Variants in CDC42BPB observed in about 807,000 individuals in gnomAD.
CDC42BPB encodes the protein serine/threonine-protein kinase MRCK beta.
CDC42BPB carries 37 observed loss-of-function variants against 214.9 expected under a neutral mutation model. The ratio of observed to expected loss-of-function variants is 0.17; its 90% CI spans 0.13 to 0.23. CDC42BPB has a LOEUF of 0.23. Among genes scored for constraint, CDC42BPB ranks in the 10% least tolerant of loss-of-function variants. CDC42BPB has a pLI of 1.00. For synonymous variants in CDC42BPB, 931 were observed against 884.0 expected (o/e 1.05, Z -0.94); for missense variants, 1,694 against 2,227.0 (o/e 0.76, Z 4.82).
rs367568433 is a variant in CDC42BPB, at chr14:102,933,678, C to A, written c.*34G>T. The A allele has an allele frequency of 1.5e-4, 209 of 1,415,354 alleles. No homozygotes were observed. The highest frequency in any genetic ancestry group is 1.9e-4 in the Non-Finnish European group (206 of 1,096,010). The allele number at this position is 1,415,354 out of a possible 1,614,324, so 87.7% of individuals were successfully genotyped here. On this transcript the variant is annotated 3_prime_UTR_variant, in exon 37 of 37. Transcript: ENST00000361246. ...TTGGCACTGACGCTGGAGGCCATCTCCAGCTCCCTGGCCCCTGTGGCGAGC... is the reference window on the plus strand; with the variant it reads ...TTGGCACTGACGCTGGAGGCCATCTACAGCTCCCTGGCCCCTGTGGCGAGC...
At chr14:103,053,044 T>A (rs778352054) in intron 1 of CDC42BPB, among the ~76,000 whole-genome samples, 7 of 152,136 alleles carry the variant, frequency 4.6e-5, no homozygotes, top group Non-Finnish European at 8.8e-5. Flanking sequence ...ATTTTCAAAA[T>A]AGCTTAAAGA....
At chr14:102,948,712 G>T (rs1892337378) in intron 26 of CDC42BPB, among the ~76,000 whole-genome samples, 1 of 140,372 alleles carries the variant, frequency 7.1e-6, no homozygotes, top group East Asian at 2.2e-4. Flanking sequence ...GCAGGGGGTG[G>T]GTGTGGAGGT....
In CDC42BPB at chr14:102,944,135, C is replaced by T. The variant is rs1331988793; in HGVS notation, c.4164G>A (p.Val1388=). The change falls in exon 30 of 37, where the codon GTG becomes GTA. Residue 1388 remains valine, a synonymous_variant. Transcript: ENST00000361246. The surrounding 1 kb of genome is among the most constrained non-coding windows in gnomAD (Gnocchi z 6.6). ...GCAGGCAGAACCCAGAAGGGTAGCC[C>T]ACACAGAGCCTGTCCCTGAGCACCG... ...CLAVLRDRLC[V]GYPSGFCLLS... is the part of the protein sequence containing the mutation. 1 of 1,613,204 alleles carries T rather than the reference C, an allele frequency of 6.2e-7. No individual in the cohort carries two copies. Among genetic ancestry groups the T allele is most frequent in the Non-Finnish European group, 8.5e-7 (1 of 1,179,994 alleles).
At chr14:102,967,638 C>T (rs185393702) in intron 16 of CDC42BPB, among the ~76,000 whole-genome samples, 6 of 152,180 alleles carry the variant, frequency 3.9e-5, no homozygotes, top group Admixed American at 2.6e-4. Flanking sequence ...TGTTGCTGTG[C>T]GGGACGCTGC....
chr14:103,007,475 G>A (rs746999699), intron 3 of CDC42BPB, among the ~76,000 whole-genome samples: 3 of 152,182 alleles, frequency 2.0e-5, no homozygotes, highest in South Asian at 4.1e-4. Flanking sequence ...AGAGGAAAGC[G>A]TCACCTCAAA....
At chr14:102,950,801 A>G (rs1368058354) in intron 24 of CDC42BPB, 199 bp from the exon 25 acceptor site, 9 of 494,426 alleles carry the variant, frequency 1.8e-5, no homozygotes, top group Non-Finnish European at 2.4e-5. Flanking sequence ...TCCCGCCTTT[A>G]TTAAAAATAC....
At position 102,933,623 on chromosome 14, in the gene CDC42BPB, C is replaced by T. The variant is rs546321376; in HGVS notation, c.*89G>A. The T allele has an allele frequency of 1.7e-5, 18 of 1,053,964 alleles. No individual in the cohort carries two copies. The African/African-American group carries it at 2.7e-4, about 16-fold the overall frequency. The allele number at this position is 1,053,964 out of a possible 1,614,324, so 65.3% of individuals were successfully genotyped here. A position where few individuals can be genotyped will look rare whatever the true frequency, so the allele number is the denominator to read the frequency against. On this transcript the variant is annotated 3_prime_UTR_variant, in exon 37 of 37. Coordinates refer to ENST00000361246, the MANE Select transcript of CDC42BPB (RefSeq NM_006035.4). Reference sequence around the variant, plus strand: ...TATCTACAAAGTGATTCTACATTTCCTTGGACAACACTGGAGGGCCCGCTC... The same window carrying T: ...TATCTACAAAGTGATTCTACATTTCTTTGGACAACACTGGAGGGCCCGCTC...
chr14:102,968,773 G>C lies in CDC42BPB; in HGVS notation c.1996-57C>G. 2.5e-6 allele frequency: 4 copies of C among 1,594,494 alleles called. No homozygotes were observed. The Admixed American group carries it at 6.8e-5, about 27-fold the overall frequency. ...CCTCTGTGTCCTCAAGGGTCACACTGTCCTTTCAACCCCTTTCATCCCAAG... is the reference window on the plus strand; with the variant it reads ...CCTCTGTGTCCTCAAGGGTCACACTCTCCTTTCAACCCCTTTCATCCCAAG... On this transcript the variant is annotated intron_variant, in intron 14 of 36. Coordinates refer to ENST00000361246, the MANE Select transcript of CDC42BPB (RefSeq NM_006035.4).
intron 20 of CDC42BPB, among the ~76,000 whole-genome samples, chr14:102,960,324 A>G (rs115885493): frequency 0.014 from 2,068 of 152,228 alleles, 39 homozygotes; most frequent in African/African-American, 0.032. Flanking sequence ...GGCCTCTACA[A>G]TAAGAATCAT....
chr14:102,955,465 A>G (rs902440921), intron 21 of CDC42BPB, among the ~76,000 whole-genome samples: 1 of 152,234 alleles, frequency 6.6e-6, no homozygotes, highest in Admixed American at 6.5e-5. Flanking sequence ...AATGCTTCTT[A>G]ACCTCATTTC....
At chr14:103,055,993 A>G (rs1253140073) in intron 1 of CDC42BPB, among the ~76,000 whole-genome samples, 1 of 152,232 alleles carries the variant, frequency 6.6e-6, no homozygotes, top group East Asian at 1.9e-4. Flanking sequence ...TTTAGGTGAG[A>G]CAGTCTGAGG....
chr14:103,037,066 G>C lies in CDC42BPB; in HGVS notation c.175+19933C>G, dbSNP rs34013257. Reference sequence around the variant, plus strand: ...GTATATCTGCCCACCTCTTATAGGCGTGAGCCACCACGTCTGGCCATCTCA... The same window carrying C: ...GTATATCTGCCCACCTCTTATAGGCCTGAGCCACCACGTCTGGCCATCTCA... On this transcript the variant is annotated intron_variant, in intron 1 of 36. Coordinates refer to ENST00000361246, the MANE Select transcript of CDC42BPB (RefSeq NM_006035.4). Among the ~76,000 whole-genome samples the C allele has an allele frequency of 1.3e-4, 19 of 151,844 alleles. No individual in the cohort carries two copies. In the East Asian group the frequency reaches 3.7e-3, roughly 29 times the overall value.
intron 1 of CDC42BPB, chr14:103,041,941 G>A (rs1411050320): frequency 1.3e-5 from 5 of 372,080 alleles, no homozygotes; most frequent in Admixed American, 3.4e-5. Context: ...CATCCCAAAC[G>A]TCTGTAAGAA....
chr14:102,982,043 G>A (rs1894028442), intron 7 of CDC42BPB, among the ~76,000 whole-genome samples: 2 of 152,162 alleles, frequency 1.3e-5, no homozygotes, highest in Non-Finnish European at 2.9e-5. Flanking sequence ...CCTGACCCAA[G>A]AGCCCACAGG....
At chr14:102,945,573 T>C in intron 29 of CDC42BPB, 89 bp downstream of exon 29, 1 of 1,224,974 alleles carries the variant, frequency 8.2e-7, no homozygotes, top group Admixed American at 1.8e-5. Context: ...GCATTTGTCT[T>C]AACCCTTAGG....
intron 1 of CDC42BPB, among the ~76,000 whole-genome samples, chr14:103,029,858 CAAAAAAA>C (rs11299296): frequency 1.3e-4 from 8 of 62,376 alleles, no homozygotes; most frequent in East Asian, 1.2e-3. Context: ...ACTCCATCTC[CAAAAAAA>C]AAAAAAAAAA....
Position 102,938,369 on chromosome 14 carries a change from G to A in CDC42BPB, c.4870C>T (p.Pro1624Ser). Residue 1624 changes from proline to serine, a missense_variant, in exon 35 of 37, where the codon CCC becomes TCC. Pro to Ser is a moderately conservative substitution (Grantham distance 74). This residue lies in a region of CDC42BPB where 146 missense variants were observed against 134.1 expected (regional missense o/e 1.09). Transcript: ENST00000361246. Reference protein sequence around the residue: ...PSQEERPGPAPTNLARQPPSR... With the variant: ...PSQEERPGPASTNLARQPPSR... Reference sequence around the variant, plus strand: ...GGAGGCTGGCGAGCCAGGTTGGTGGGAGCGGGGCCCGGCCTTTCCTCCTGG... The same window carrying A: ...GGAGGCTGGCGAGCCAGGTTGGTGGAAGCGGGGCCCGGCCTTTCCTCCTGG... 2 of 1,580,190 alleles carry A rather than the reference G, an allele frequency of 1.3e-6. No homozygotes were observed. Among genetic ancestry groups the A allele is most frequent in the Non-Finnish European group, 8.6e-7 (1 of 1,166,468 alleles).
chr14:102,998,658 G>T (rs1259806118), intron 5 of CDC42BPB, among the ~76,000 whole-genome samples: 1 of 152,180 alleles, frequency 6.6e-6, no homozygotes, highest in Non-Finnish European at 1.5e-5. Context: ...AGACGGAGCT[G>T]CTTTAGGCCT....
chr14:103,023,512 G>T (rs1404459210), intron 1 of CDC42BPB, among the ~76,000 whole-genome samples: 1 of 151,954 alleles, frequency 6.6e-6, no homozygotes, highest in African/African-American at 2.4e-5. Context: ...TTGCTATGTT[G>T]CCCAGACTGG....
Sources: allele counts gnomAD v4.1 joint callset (sites outside exome capture counted in the v4.1 genomes callset), GRCh38; gene constraint gnomAD v4.1.1; regional missense constraint gnomAD v4.1.1; non-coding constraint Gnocchi (gnomAD v3.1); transcripts MANE v1.5; gene names NCBI Gene and HGNC (gene_info 2026-07-23, HGNC 2026-07-21).